Variants in ANKRD62 observed in about 807,000 individuals in gnomAD.
ANKRD62 encodes ankyrin repeat domain 62, also known as ankyrin repeat domain-containing protein 62.
In ANKRD62, 61 loss-of-function variants were observed where a neutral mutation model predicts 98.8. The ratio of observed to expected loss-of-function variants is 0.62; its 90% CI spans 0.50 to 0.76. The LOEUF is 0.76. Ranked by LOEUF, ANKRD62 falls within the 30% of genes least tolerant of loss-of-function variation. ANKRD62 has a pLI of 0.00. For synonymous variants in ANKRD62, 341 were observed against 367.9 expected (o/e 0.93, Z 0.84); for missense variants, 933 against 1,082.9 (o/e 0.86, Z 1.94).
chr18:12,117,340 A>G (rs1405695677), intron 10 of ANKRD62, among the ~76,000 whole-genome samples: 4 of 152,232 alleles, frequency 2.6e-5, no homozygotes, highest in African/African-American at 4.8e-5. Flanking sequence ...AGCTGTGCTC[A>G]TTGACGAAGA....
the ANKRD62 span, among the ~76,000 whole-genome samples, chr18:12,178,057 TAAG>T: frequency 8.3e-6 from 1 of 120,536 alleles, no homozygotes; most frequent in Non-Finnish European, 1.8e-5. Flanking sequence ...ATAAGAAGCA[TAAG>T]AAGAAGCATA....
At chr18:12,118,465 C>T (rs902852083) in intron 10 of ANKRD62, among the ~76,000 whole-genome samples, 5 of 151,862 alleles carry the variant, frequency 3.3e-5, no homozygotes, top group Admixed American at 6.6e-5. Flanking sequence ...AAAAAGTAGC[C>T]GGGTGTGGTG....
At chr18:12,130,095 A>G (rs769952915), downstream of ANKRD62, among the ~76,000 whole-genome samples, 334 of 152,314 alleles carry the variant, frequency 2.2e-3, no homozygotes, top group Non-Finnish European at 3.7e-3. Context: ...TTAAGATAAT[A>G]AGTATGTCTA....
chr18:12,130,763 G>A (rs1483126530), downstream of ANKRD62, among the ~76,000 whole-genome samples: 1 of 151,874 alleles, frequency 6.6e-6, no homozygotes, highest in African/African-American at 2.4e-5. Context: ...TGTGATCTCA[G>A]CTCACTGCAA....
At chr18:12,154,789 T>C in the ANKRD62 span, among the ~76,000 whole-genome samples, 1 of 152,136 alleles carries the variant, frequency 6.6e-6, no homozygotes, top group Admixed American at 6.5e-5. Context: ...TATGCAACCA[T>C]AAAAAAGAAT....
rs923353659 is a variant in ANKRD62 at position 12,125,591 on chromosome 18, C to T, written c.1770C>T (p.Phe590=). The T allele has an allele frequency of 6.5e-7, 1 of 1,527,348 alleles. No homozygotes were observed. Among genetic ancestry groups the T allele is most frequent in the East Asian group, 2.4e-5 (1 of 40,850 alleles). 94.6% of individuals were successfully genotyped at this position (1,527,348 alleles called of 1,614,324 possible). A position where few individuals can be genotyped will look rare whatever the true frequency, so the allele number is the denominator to read the frequency against. ...ACCAGGAAACTGAAAATAAATATTT[C>T]AAAGATATTGAAATTATAAAGGAAA... is the stretch of plus-strand genomic sequence containing the variant. The part of the protein sequence containing the change: ...HQNQETENKY[F]KDIEIIKENN... The change falls in exon 13 of 14, where the codon TTC becomes TTT. Residue 590 remains phenylalanine (F), a synonymous_variant. Transcript: ENST00000587848.
intron 7 of ANKRD62, among the ~76,000 whole-genome samples, chr18:12,106,379 C>T (rs1476345096): frequency 1.3e-5 from 2 of 152,116 alleles, no homozygotes; most frequent in African/African-American, 4.8e-5. Context: ...TGATGTTCAT[C>T]TTAAAAAGTA....
chr18:12,106,188 A>G (rs1909409478), intron 7 of ANKRD62, among the ~76,000 whole-genome samples: 1 of 152,220 alleles, frequency 6.6e-6, no homozygotes, highest in African/African-American at 2.4e-5. Flanking sequence ...TTTAATCACA[A>G]CTTCCGCATG....
chr18:12,157,025 C>T, the ANKRD62 span, among the ~76,000 whole-genome samples: 10 of 152,166 alleles, frequency 6.6e-5, no homozygotes, highest in Admixed American at 3.9e-4. Context: ...CTGCTTGCCT[C>T]GGCCCCGCAA....
the ANKRD62 span, among the ~76,000 whole-genome samples, chr18:12,169,176 T>A: frequency 1.3e-5 from 2 of 152,304 alleles, no homozygotes; most frequent in South Asian, 2.1e-4. Context: ...CTATGTTGAA[T>A]AGGAATGGTG....
Position 12,097,687 on chromosome 18 carries a change from A to G in ANKRD62, c.662A>G (p.Tyr221Cys), listed in dbSNP as rs550608601. ...AARNGSTSVVYQLLQHNIDVF... is the reference protein window; with the variant it reads ...AARNGSTSVVCQLLQHNIDVF... The stretch of plus-strand genomic sequence containing the variant: ...CGTAATGGATCAACAAGTGTAGTCT[A>G]CCAGCTTCTTCAGCACAATATTGAT... Residue 221 changes from tyrosine (Y) to cysteine (C), a missense_variant, in exon 5 of 14, where the codon TAC (tyrosine) becomes TGC (cysteine). Coordinates refer to ENST00000587848, the MANE Select transcript of ANKRD62 (RefSeq NM_001277333.2). 1 of 1,536,088 alleles carries G rather than the reference A, an allele frequency of 6.5e-7. No individual in the cohort carries two copies. The highest frequency in any genetic ancestry group is 8.7e-7 in the Non-Finnish European group (1 of 1,146,806).
chr18:12,103,023 C>T (rs570964337), intron 6 of ANKRD62, 135 bp from the exon 7 acceptor site: 2 of 679,158 alleles, frequency 2.9e-6, no homozygotes, highest in African/African-American at 1.9e-5. Context: ...AGATATATCG[C>T]TAAAGATTAA....
At chr18:12,122,980 A>G (rs1272587610) in intron 11 of ANKRD62, among the ~76,000 whole-genome samples, 1 of 152,140 alleles carries the variant, frequency 6.6e-6, no homozygotes, top group Non-Finnish European at 1.5e-5. Context: ...TAATTTGAGT[A>G]TGAAATGTAT....
the ANKRD62 span, among the ~76,000 whole-genome samples, chr18:12,171,827 T>G: frequency 6.6e-6 from 1 of 152,224 alleles, no homozygotes; most frequent in African/African-American, 2.4e-5. Context: ...TCTTGGAGGC[T>G]TTGTTCATTT....
At chr18:12,174,623 G>A in the ANKRD62 span, among the ~76,000 whole-genome samples, 1 of 152,184 alleles carries the variant, frequency 6.6e-6, no homozygotes. Context: ...TCTCATCTTT[G>A]TGGGCTTACT....
chr18:12,137,730 G>T, the ANKRD62 span, among the ~76,000 whole-genome samples: 1 of 152,168 alleles, frequency 6.6e-6, no homozygotes, highest in East Asian at 1.9e-4. Flanking sequence ...TTCAGAGCCT[G>T]CTATTGGTCT....
At chr18:12,171,192 G>T in the ANKRD62 span, among the ~76,000 whole-genome samples, 1 of 152,126 alleles carries the variant, frequency 6.6e-6, no homozygotes, top group East Asian at 1.9e-4. Context: ...GATGTTAGCT[G>T]GTTATTTTGC....
chr18:12,162,044 C>T, the ANKRD62 span, among the ~76,000 whole-genome samples: 6 of 152,090 alleles, frequency 3.9e-5, no homozygotes, highest in Non-Finnish European at 8.8e-5. Flanking sequence ...ATATACCTAG[C>T]AATGGGATTG....
At chr18:12,141,352 C>T in the ANKRD62 span, among the ~76,000 whole-genome samples, 5 of 152,206 alleles carry the variant, frequency 3.3e-5, no homozygotes, top group Non-Finnish European at 7.3e-5. Flanking sequence ...GTGCACTGCA[C>T]CCACTGTCTG....
Sources: allele counts gnomAD v4.1 joint callset (sites outside exome capture counted in the v4.1 genomes callset), GRCh38; gene constraint gnomAD v4.1.1; transcripts MANE v1.5; gene names NCBI Gene and HGNC (gene_info 2026-07-23, HGNC 2026-07-21).